Variants in CORO1C observed in about 807,000 individuals in gnomAD.
CORO1C encodes the protein coronin 1C, also known as coronin-1C.
In CORO1C, 14 loss-of-function variants were observed where a neutral mutation model predicts 51.2. The ratio of observed to expected loss-of-function variants is 0.27; its 90% CI spans 0.18 to 0.43. The LOEUF is 0.43. Among genes scored for constraint, CORO1C ranks in the 20% least tolerant of loss-of-function variants. The probability of loss-of-function intolerance (pLI) is 1.00; values close to 1 mark genes in which losing one functional copy is unlikely to be tolerated. For synonymous variants in CORO1C, 181 were observed against 210.5 expected, an observed-to-expected ratio of 0.86 and a Z score of 1.21; for missense variants, 417 against 607.8, an observed-to-expected ratio of 0.69 and a Z score of 3.30.
intron 2 of CORO1C, among the ~76,000 whole-genome samples, chr12:108,679,904 T>A (rs542005129): frequency 6.6e-6 from 1 of 152,314 alleles, no homozygotes; most frequent in East Asian, 1.9e-4. Flanking sequence ...AAGGATTAAA[T>A]GAGAGAACAC....
intron 2 of CORO1C, among the ~76,000 whole-genome samples, chr12:108,693,276 TA>T (rs1340342492): frequency 1.3e-5 from 2 of 152,138 alleles, no homozygotes; most frequent in African/African-American, 4.8e-5. Flanking sequence ...TCTACAACTG[TA>T]GAACAGAGGA....
intron 2 of CORO1C, among the ~76,000 whole-genome samples, chr12:108,688,784 C>A (rs1202930367): frequency 6.6e-6 from 1 of 152,138 alleles, no homozygotes; most frequent in African/African-American, 2.4e-5. Flanking sequence ...ACTTGTAATC[C>A]CAGCACTTTG....
intron 2 of CORO1C, among the ~76,000 whole-genome samples, chr12:108,681,395 T>G (rs781418191): frequency 2.0e-5 from 3 of 152,220 alleles, no homozygotes; most frequent in Non-Finnish European, 4.4e-5. Context: ...AACAAATTCT[T>G]ATCTATTCAT....
At chr12:108,698,436 C>G (rs533119067) in intron 2 of CORO1C, among the ~76,000 whole-genome samples, 1 of 152,222 alleles carries the variant, frequency 6.6e-6, no homozygotes, top group East Asian at 1.9e-4. Context: ...GAGACGGAGT[C>G]TCACTCTGTC....
At chr12:108,673,920 A>G (rs2033809092) in intron 3 of CORO1C, among the ~76,000 whole-genome samples, 1 of 152,058 alleles carries the variant, frequency 6.6e-6, no homozygotes, top group Non-Finnish European at 1.5e-5. Flanking sequence ...ATTATGCTAA[A>G]TCTACTCTAT....
At chr12:108,715,955 A>AC (rs1322781544) in intron 1 of CORO1C, among the ~76,000 whole-genome samples, 8 of 151,354 alleles carry the variant, frequency 5.3e-5, no homozygotes, top group African/African-American at 1.2e-4. Context: ...ACACGGTGAA[A>AC]CCCCGTCTCT....
Position 108,658,718 on chromosome 12 carries a change from T to C in CORO1C, c.630+20A>G, listed in dbSNP as rs1434060018. 13 of 1,599,678 alleles carry C rather than the reference T, an allele frequency of 8.1e-6. No individual in the cohort carries two copies. The highest frequency in any genetic ancestry group is 1.1e-5 in the Non-Finnish European group (13 of 1,167,808). ...ACTCAAGTGCTCCAACTACTGAGTT[T>C]TCATCCTAGGAATACTCACAGCAAC... On this transcript the variant is annotated intron_variant, in intron 5 of 10. Transcript: ENST00000261401. This position sits in a 1 kb window ranked among gnomAD's most constrained non-coding sequence, Gnocchi z 4.9.
At chr12:108,651,203 C>A (rs1330834856) in intron 8 of CORO1C, among the ~76,000 whole-genome samples, 1 of 152,214 alleles carries the variant, frequency 6.6e-6, no homozygotes, top group Non-Finnish European at 1.5e-5. Flanking sequence ...AGTATCAATT[C>A]TTTAATTGTG....
At chr12:108,723,315 A>C (rs543161127) in intron 1 of CORO1C, among the ~76,000 whole-genome samples, 1 of 152,338 alleles carries the variant, frequency 6.6e-6, no homozygotes, top group South Asian at 2.1e-4. Context: ...GAATGAAAGG[A>C]ATTAGAATCT....
At chr12:108,678,142 AG>A (rs2033975877) in intron 3 of CORO1C, 129 bp downstream of exon 3, 1 of 677,122 alleles carries the variant, frequency 1.5e-6, no homozygotes, top group Middle Eastern at 4.2e-4. Flanking sequence ...AAAATCCAAC[AG>A]ACAGTCAAAA....
intron 3 of CORO1C, among the ~76,000 whole-genome samples, chr12:108,669,938 A>G (rs2033649246): frequency 6.6e-6 from 1 of 152,192 alleles, no homozygotes; most frequent in South Asian, 2.1e-4. Flanking sequence ...ATACTTAAAG[A>G]TTTTTTAAAA....
At chr12:108,711,249 G>A (rs868673468) in intron 1 of CORO1C, among the ~76,000 whole-genome samples, 1 of 151,938 alleles carries the variant, frequency 6.6e-6, no homozygotes, top group East Asian at 1.9e-4. Flanking sequence ...ATACCCCTGC[G>A]GTCCCAGCTA....
Position 108,657,355 on chromosome 12 carries a change from G to C in CORO1C, c.699C>G (p.Phe233Leu). The C allele has an allele frequency of 6.2e-7, 1 of 1,614,194 alleles. No homozygotes were observed. Among genetic ancestry groups the C allele is most frequent in the South Asian group, 1.1e-5 (1 of 91,084 alleles). ...RAIFLADGNV[F>L]TTGFSRMSER... is the part of the protein sequence containing the mutation. ...CGCTCATGCGGCTGAACCCAGTGGT[G>C]AAGACATTGCCATCGGCCAGGAAGA... Residue 233 changes from phenylalanine to leucine, a missense_variant, in exon 6 of 11, where the codon TTC becomes TTG. By Grantham distance (22) the Phe-to-Leu change is conservative. Coordinates refer to ENST00000261401, the MANE Select transcript of CORO1C (RefSeq NM_014325.4).
rs1259338201 is a variant in CORO1C at position 108,647,127 on chromosome 12, C to T, written c.*276G>A. 1.7e-5 allele frequency: 5 copies of T among 298,020 alleles called. 1 individual carries two copies. Among genetic ancestry groups the T allele is most frequent in the Admixed American group, 1.5e-4 (3 of 19,832 alleles). The allele number at this position is 298,020 out of a possible 1,614,324, so 18.5% of individuals were successfully genotyped here. On this transcript the variant is annotated 3_prime_UTR_variant, in exon 11 of 11. Transcript: ENST00000261401. ...AGTATCTGGGATTTTAAAAGTAGCA[C>T]TTTTTAAAAAGTTCAACAAGTCACA... is the stretch of plus-strand genomic sequence containing the variant.
chr12:108,726,999 A>C (rs1198678394), intron 1 of CORO1C, among the ~76,000 whole-genome samples: 1 of 152,250 alleles, frequency 6.6e-6, no homozygotes, highest in Non-Finnish European at 1.5e-5. Flanking sequence ...ATGTTATTTT[A>C]ACATAGGCAA....
intron 1 of CORO1C, among the ~76,000 whole-genome samples, chr12:108,715,881 C>A (rs1413510429): frequency 6.6e-6 from 1 of 151,916 alleles, no homozygotes; most frequent in East Asian, 1.9e-4. Context: ...CACCTGTAAT[C>A]CCAGCACTTT....
chr12:108,699,399 T>C (rs1029350851), intron 2 of CORO1C, among the ~76,000 whole-genome samples: 1 of 152,224 alleles, frequency 6.6e-6, no homozygotes, highest in Non-Finnish European at 1.5e-5. Context: ...TCATTATGTC[T>C]ATTTTGTGCT....
chr12:108,665,809 G>A (rs2033453714), intron 3 of CORO1C, among the ~76,000 whole-genome samples: 1 of 152,204 alleles, frequency 6.6e-6, no homozygotes, highest in South Asian at 2.1e-4. Context: ...AGACTGATGT[G>A]ACTGAATTCC....
rs1468984931 is a variant in CORO1C, at chr12:108,645,425, C to T, written c.*1978G>A. 6.6e-6 allele frequency: 1 copy of T among 152,220 alleles called. No individual in the cohort carries two copies. The highest frequency in any genetic ancestry group is 1.5e-5 in the Non-Finnish European group (1 of 68,044). 9.4% of individuals were successfully genotyped at this position (152,220 alleles called of 1,614,324 possible). Reference sequence around the variant, plus strand: ...TGTTTCACCACCATCAACAACTTTACTTCATTAATTCGATATCAGAACCTT... The same window carrying T: ...TGTTTCACCACCATCAACAACTTTATTTCATTAATTCGATATCAGAACCTT... On this transcript the variant is annotated 3_prime_UTR_variant, in exon 11 of 11. Coordinates refer to ENST00000261401, the MANE Select transcript of CORO1C (RefSeq NM_014325.4).
Sources: allele counts gnomAD v4.1 joint callset (sites outside exome capture counted in the v4.1 genomes callset), GRCh38; gene constraint gnomAD v4.1.1; non-coding constraint Gnocchi (gnomAD v3.1); transcripts MANE v1.5; gene names NCBI Gene and HGNC (gene_info 2026-07-23, HGNC 2026-07-21).